Variants in LAMA1 observed in about 807,000 individuals in gnomAD.
LAMA1 encodes the protein laminin subunit alpha 1.
Under a neutral mutation model 348.7 loss-of-function variants are expected in LAMA1, and 219 were observed. That is an observed-to-expected ratio of 0.63 (90% CI 0.56 to 0.70). The LOEUF (loss-of-function observed/expected upper bound fraction) is 0.70. Ranked by LOEUF, LAMA1 falls within the 30% of genes least tolerant of loss-of-function variation. The probability of loss-of-function intolerance (pLI) is 0.00; values close to 1 mark genes in which losing one functional copy is unlikely to be tolerated. For synonymous variants in LAMA1, 1,487 were observed against 1,491.0 expected (o/e 1.00, Z 0.06); for missense variants, 3,744 against 3,888.0 (o/e 0.96, Z 0.99).
At chr18:6,973,284 CCCACCAT>C in intron 46 of LAMA1, 77 bp from the exon 47 acceptor site, 1 of 1,365,266 alleles carries the variant, frequency 7.3e-7, no homozygotes, top group Non-Finnish European at 1.0e-6. Flanking sequence ...TTCCTTCACA[CCCACCAT>C]CTGCTTCTCC....
chr18:7,107,870 C>T (rs375095525), intron 1 of LAMA1, among the ~76,000 whole-genome samples: 55 of 151,206 alleles, frequency 3.6e-4, no homozygotes, highest in Middle Eastern at 3.5e-3. Context: ...AAAAATTAGC[C>T]GGGCCTGGTG....
chr18:7,044,661 A>G, intron 7 of LAMA1, 61 bp downstream of exon 7: 3 of 1,297,442 alleles, frequency 2.3e-6, no homozygotes, highest in Non-Finnish European at 3.4e-6. Context: ...TTAAGACACC[A>G]TAAACTTGGG....
At chr18:7,098,779 C>T (rs1219825559) in intron 1 of LAMA1, among the ~76,000 whole-genome samples, 1 of 129,900 alleles carries the variant, frequency 7.7e-6, no homozygotes, top group Non-Finnish European at 1.7e-5. Context: ...CGCCTCTGCC[C>T]GGCCACCCCT....
chr18:6,986,062 C>A, intron 37 of LAMA1, 75 bp downstream of exon 37: 1 of 1,545,932 alleles, frequency 6.5e-7, no homozygotes, highest in African/African-American at 1.4e-5. Flanking sequence ...CAGGCCAGGG[C>A]TCACTTTTAA....
intron 56 of LAMA1, chr18:6,955,964 G>A: frequency 3.2e-6 from 1 of 314,472 alleles, no homozygotes; most frequent in Non-Finnish European, 6.2e-6. Context: ...AGGCGGGAAG[G>A]GCCCCTGAAC....
chr18:7,113,051 T>C (rs1408139266), intron 1 of LAMA1, among the ~76,000 whole-genome samples: 1 of 152,200 alleles, frequency 6.6e-6, no homozygotes, highest in Non-Finnish European at 1.5e-5. Flanking sequence ...TGAACAGATA[T>C]GCATAAAACA....
intron 1 of LAMA1, among the ~76,000 whole-genome samples, chr18:7,087,643 C>CATAA (rs2058222985): frequency 6.6e-6 from 1 of 152,118 alleles, no homozygotes; most frequent in African/African-American, 2.4e-5. Context: ...ATTTTTATAT[C>CATAA]AATATGTATT....
At chr18:7,041,031 T>C (rs748536469) in intron 9 of LAMA1, among the ~76,000 whole-genome samples, 2 of 152,176 alleles carry the variant, frequency 1.3e-5, no homozygotes, top group Admixed American at 1.3e-4. Context: ...AAGGGGCTTC[T>C]TTATGGGATG....
At chr18:7,113,376 C>T (rs1330729529) in intron 1 of LAMA1, among the ~76,000 whole-genome samples, 1 of 152,194 alleles carries the variant, frequency 6.6e-6, no homozygotes, top group Non-Finnish European at 1.5e-5. Context: ...CCTTGCTTTA[C>T]CCCCAATGTG....
chr18:6,992,504 A>G (rs2057763058), intron 36 of LAMA1, 57 bp downstream of exon 36: 1 of 1,566,256 alleles, frequency 6.4e-7, no homozygotes, highest in Admixed American at 1.7e-5. Flanking sequence ...CTTTGGAGAT[A>G]GCGTGCAAGT....
At chr18:6,954,656 G>T (rs751222495) in intron 57 of LAMA1, 44 of 159,610 alleles carry the variant, frequency 2.8e-4, no homozygotes, top group Non-Finnish European at 5.7e-4. Context: ...GCACAGAAAG[G>T]TCAGGTGTTA....
chr18:7,034,918 C>T (rs999256677), intron 13 of LAMA1, among the ~76,000 whole-genome samples: 16 of 152,224 alleles, frequency 1.1e-4, no homozygotes, highest in Non-Finnish European at 1.5e-4. Context: ...CTGTGTACTT[C>T]GCTGGGATCT....
intron 16 of LAMA1, 119 bp downstream of exon 16, chr18:7,031,947 G>C (rs2057971466): frequency 1.5e-5 from 10 of 680,556 alleles, no homozygotes; most frequent in Non-Finnish European, 2.5e-5. Context: ...AATTTTCTTT[G>C]GGGTCTATGA....
At chr18:6,991,389 C>CTTTTTT (rs34001050) in intron 36 of LAMA1, among the ~76,000 whole-genome samples, 2 of 118,476 alleles carry the variant, frequency 1.7e-5, no homozygotes, top group African/African-American at 3.3e-5. Context: ...ACTTCTTCTT[C>CTTTTTT]TTTTTTTTTT....
intron 19 of LAMA1, among the ~76,000 whole-genome samples, chr18:7,018,808 G>A (rs542430949): frequency 1.3e-5 from 2 of 152,260 alleles, no homozygotes; most frequent in Admixed American, 6.5e-5. Context: ...GCCTAAACAC[G>A]ACCTGGAGGC....
intron 17 of LAMA1, 47 bp from the exon 18 acceptor site, chr18:7,024,513 G>T (rs377108248): frequency 8.4e-6 from 12 of 1,426,774 alleles, no homozygotes; most frequent in African/African-American, 1.4e-5. Context: ...GGATGAAGCC[G>T]AATTTCTAAC....
intron 47 of LAMA1, among the ~76,000 whole-genome samples, chr18:6,972,410 A>C (rs903043783): frequency 2.6e-5 from 4 of 152,188 alleles, no homozygotes; most frequent in Non-Finnish European, 4.4e-5. Flanking sequence ...TTTGCTAAAC[A>C]CTGATTAGTA....
At chr18:7,051,893 A>G (rs2058063509) in intron 3 of LAMA1, among the ~76,000 whole-genome samples, 2 of 152,180 alleles carry the variant, frequency 1.3e-5, no homozygotes, top group South Asian at 4.1e-4. Context: ...AAACATGCTC[A>G]CCATTCTCAG....
chr18:7,040,274 C>CAA (rs749000452), intron 9 of LAMA1, 38 bp from the exon 10 acceptor site: 11 of 1,610,518 alleles, frequency 6.8e-6, no homozygotes, highest in Admixed American at 3.3e-5. Context: ...AACATGAAGG[C>CAA]AAAAGAGGTT....
Sources: allele counts gnomAD v4.1 joint callset (sites outside exome capture counted in the v4.1 genomes callset), GRCh38; gene constraint gnomAD v4.1.1; transcripts MANE v1.5; gene names NCBI Gene and HGNC (gene_info 2026-07-23, HGNC 2026-07-21).